The following PAX7 variants were observed in gnomAD, a reference collection of about 807,000 sequenced individuals.
PAX7 encodes the protein paired box protein Pax-7.
In PAX7, 18 loss-of-function variants were observed where a neutral mutation model predicts 50.7. That is an observed-to-expected ratio of 0.36 (90% CI 0.25 to 0.53). The LOEUF is 0.53. Among genes scored for constraint, PAX7 ranks in the 20% least tolerant of loss-of-function variants. PAX7 has a pLI of 0.93. For synonymous variants in PAX7, 310 were observed against 290.4 expected (o/e 1.07, Z -0.69); for missense variants, 644 against 702.9 (o/e 0.92, Z 0.95).
intron 4 of PAX7, among the ~76,000 whole-genome samples, chr1:18,666,305 CT>C (rs2088668561): frequency 6.6e-6 from 1 of 152,198 alleles, no homozygotes; most frequent in African/African-American, 2.4e-5. Context: ...AACTCCAAAC[CT>C]TGGGTCTGTC....
chr1:18,721,986 G>A (rs536732410), intron 7 of PAX7, among the ~76,000 whole-genome samples: 1 of 152,314 alleles, frequency 6.6e-6, no homozygotes, highest in Non-Finnish European at 1.5e-5. Flanking sequence ...GTGATCTTGG[G>A]CAAGTCACTT....
Position 18,634,229 on chromosome 1 carries a change from G to C in PAX7, c.86-74G>C, listed in dbSNP as rs904010512. The stretch of plus-strand genomic sequence containing the variant: ...CTCAAACAAACAAAACTGGAGTCAG[G>C]GAGTGTACTCAGTGTCTGCTCTCCA... On this transcript the variant is annotated intron_variant, in intron 1 of 8. Coordinates refer to ENST00000420770, the MANE Select transcript of PAX7 (RefSeq NM_001135254.2). The surrounding 1 kb of genome is among the most constrained non-coding windows in gnomAD (Gnocchi z 4.0). 1.6e-6 allele frequency: 2 copies of C among 1,215,900 alleles called. No homozygotes were observed. The highest frequency in any genetic ancestry group is 2.3e-6 in the Non-Finnish European group (2 of 852,826). 75.3% of individuals were successfully genotyped at this position (1,215,900 alleles called of 1,614,324 possible).
intron 4 of PAX7, among the ~76,000 whole-genome samples, chr1:18,656,320 C>T (rs1570130627): frequency 6.6e-6 from 1 of 151,792 alleles, no homozygotes; most frequent in African/African-American, 2.4e-5. Context: ...ATGGTGAAGC[C>T]CTGTCTCTAT....
chr1:18,683,491 A>G (rs183382806), intron 4 of PAX7, among the ~76,000 whole-genome samples: 1 of 152,340 alleles, frequency 6.6e-6, no homozygotes, highest in African/African-American at 2.4e-5. Flanking sequence ...CAACGAATCA[A>G]TGAATTTGAA....
intron 7 of PAX7, among the ~76,000 whole-genome samples, chr1:18,711,008 C>T (rs1370795276): frequency 2.6e-5 from 4 of 152,250 alleles, no homozygotes; most frequent in African/African-American, 7.2e-5. Flanking sequence ...CCTTCTCCTC[C>T]CTTCCTGGGC....
intron 8 of PAX7, among the ~76,000 whole-genome samples, chr1:18,743,692 G>A (rs935327234): frequency 6.6e-6 from 1 of 152,210 alleles, no homozygotes; most frequent in East Asian, 1.9e-4. Context: ...GATTTCTTTT[G>A]TAGCCTCAGA....
At chr1:18,683,567 C>A (rs891142336) in intron 4 of PAX7, among the ~76,000 whole-genome samples, 3 of 152,166 alleles carry the variant, frequency 2.0e-5, no homozygotes, top group South Asian at 2.1e-4. Context: ...TGGCCGGGTG[C>A]GGTGGCTCAT....
chr1:18,722,907 C>T (rs1008792041), intron 7 of PAX7, among the ~76,000 whole-genome samples: 3 of 152,208 alleles, frequency 2.0e-5, no homozygotes, highest in African/African-American at 7.2e-5. Flanking sequence ...CCTTTCCTTT[C>T]CTTCCTACCC....
At chr1:18,661,113 C>T (rs905034648) in intron 4 of PAX7, among the ~76,000 whole-genome samples, 1 of 152,140 alleles carries the variant, frequency 6.6e-6, no homozygotes, top group Non-Finnish European at 1.5e-5. Flanking sequence ...ATCAGTAAAT[C>T]TCTGTTGAGA....
intron 4 of PAX7, among the ~76,000 whole-genome samples, chr1:18,661,674 G>C (rs2088601364): frequency 6.6e-6 from 1 of 152,260 alleles, no homozygotes; most frequent in South Asian, 2.1e-4. Flanking sequence ...TAGGTGCTCA[G>C]AGTATGGGCC....
At chr1:18,656,140 A>G (rs1047533496) in intron 4 of PAX7, among the ~76,000 whole-genome samples, 8 of 152,298 alleles carry the variant, frequency 5.3e-5, no homozygotes, top group Admixed American at 3.9e-4. Flanking sequence ...TGCCTGGTGC[A>G]TTTTAAGAGT....
intron 7 of PAX7, among the ~76,000 whole-genome samples, chr1:18,703,614 C>T (rs926466311): frequency 1.3e-5 from 2 of 152,182 alleles, no homozygotes; most frequent in African/African-American, 4.8e-5. Flanking sequence ...TCATTCATTG[C>T]CTCGGGGTGC....
chr1:18,631,255 C>A lies in PAX7; in HGVS notation c.-349C>A. The stretch of plus-strand genomic sequence containing the variant: ...CCCCGGCCCCCCTCCGCCGCGGGGC[C>A]TGGTCTCCGGGTTCTGCCAGGCGCA... On this transcript the variant is annotated 5_prime_UTR_variant, in exon 1 of 9. It adds an upstream start codon to the 5' untranslated region. Transcript: ENST00000420770. 3.9e-6 allele frequency: 1 copy of A among 253,592 alleles called. No homozygotes were observed. Among genetic ancestry groups the A allele is most frequent in the Non-Finnish European group, 7.6e-6 (1 of 131,988 alleles). 15.7% of individuals were successfully genotyped at this position (253,592 alleles called of 1,614,324 possible). A position where few individuals can be genotyped will look rare whatever the true frequency, so the allele number is the denominator to read the frequency against.
In PAX7 at chr1:18,632,642, AC is replaced by A. The variant is rs1264860795; in HGVS notation, c.85+955del. Among the ~76,000 whole-genome samples the A allele has an allele frequency of 9.0e-6, 1 of 110,884 alleles. No homozygotes were observed. The highest frequency in any genetic ancestry group is 3.7e-5 in the African/African-American group (1 of 27,316). 72.7% of individuals were successfully genotyped at this position (110,884 alleles called of 152,430 possible). ...AGAGAAGTCATTAGAAATATGTGCG[AC>A]TTTTTTTTTTTAAATTACTCTTCCT... On this transcript the variant is annotated intron_variant, in intron 1 of 8. Transcript: ENST00000420770. This position sits in a 1 kb window ranked among gnomAD's most constrained non-coding sequence, Gnocchi z 6.3.
At chr1:18,660,297 A>G (rs976358777) in intron 4 of PAX7, among the ~76,000 whole-genome samples, 2 of 151,650 alleles carry the variant, frequency 1.3e-5, no homozygotes, top group African/African-American at 4.8e-5. Flanking sequence ...CTCCAACCCA[A>G]CTCTGCCCAG....
intron 4 of PAX7, among the ~76,000 whole-genome samples, chr1:18,677,237 A>G (rs1292925894): frequency 2.0e-5 from 3 of 152,174 alleles, no homozygotes; most frequent in Non-Finnish European, 4.4e-5. Flanking sequence ...TGGGCTTCTC[A>G]GGTGGAGATC....
At chr1:18,716,742 C>T (rs1207483044) in intron 7 of PAX7, among the ~76,000 whole-genome samples, 1 of 151,978 alleles carries the variant, frequency 6.6e-6, no homozygotes, top group African/African-American at 2.4e-5. Flanking sequence ...CTGGCCTCGC[C>T]TCTACCCATT....
chr1:18,717,360 G>GGA (rs2100360023), intron 7 of PAX7, among the ~76,000 whole-genome samples: 1 of 152,300 alleles, frequency 6.6e-6, no homozygotes, highest in East Asian at 1.9e-4. Flanking sequence ...GCTGCCTGCT[G>GGA]GAGAGAGAGG....
intron 4 of PAX7, among the ~76,000 whole-genome samples, chr1:18,687,747 T>C (rs2088998528): frequency 6.6e-6 from 1 of 152,122 alleles, no homozygotes; most frequent in South Asian, 2.1e-4. Flanking sequence ...AGAGGGTTGT[T>C]ATGGCAACCT....
Sources: gnomAD v4.1 joint callset for allele counts (sites outside exome capture counted in the v4.1 genomes callset) on GRCh38, gnomAD v4.1.1 for gene constraint, Gnocchi (gnomAD v3.1) non-coding constraint, MANE v1.5 for transcripts, NCBI Gene and HGNC (gene_info 2026-07-23, HGNC 2026-07-21) for gene names.